A1CF: variants seen among roughly 807,000 people sequenced by gnomAD.
A1CF encodes APOBEC1 complementation factor.
Under a neutral mutation model 68.9 loss-of-function variants are expected in A1CF, and 48 were observed. The ratio of observed to expected loss-of-function variants is 0.70; its 90% CI spans 0.55 to 0.89. The LOEUF is 0.89. A1CF is among the 40% of genes least tolerant of loss of function. The pLI is 0.00. For missense variants in A1CF, 653 were observed against 718.9 expected, an observed-to-expected ratio of 0.91 and a Z score of 1.05; for synonymous variants, 272 against 260.4, an observed-to-expected ratio of 1.04 and a Z score of -0.43.
chr10:50,853,675 T>A (rs1462482938), intron 3 of A1CF, among the ~76,000 whole-genome samples: 1 of 151,858 alleles, frequency 6.6e-6, no homozygotes, highest in African/African-American at 2.4e-5. Context: ...AATACTAAAT[T>A]AAAGAATTTT....
rs1838353116 is a variant in A1CF at position 50,816,077 on chromosome 10, G to C, written c.1070C>G (p.Pro357Arg). ...TTTGGTGGCTGGGAAATGAAGACTG[G>C]GAATTGCTGCATAGGTCTGGGGGGC... is the stretch of plus-strand genomic sequence containing the variant. ...FYAPQTYAAIPSLHFPATKGH... is the reference protein window; with the variant it reads ...FYAPQTYAAIRSLHFPATKGH... The change falls in exon 9 of 13, where the codon CCC becomes CGC. Residue 357 changes from proline (P) to arginine (R), a missense_variant. Physicochemically the swap from Pro to Arg is moderately radical, Grantham distance 103. Coordinates refer to ENST00000373997, the MANE Select transcript of A1CF (RefSeq NM_014576.4). The C allele has an allele frequency of 6.2e-7, 1 of 1,613,820 alleles. No homozygotes were observed. Among genetic ancestry groups the C allele is most frequent in the Non-Finnish European group, 8.5e-7 (1 of 1,179,858 alleles).
chr10:50,885,007 G>T (rs1350760150), intron 1 of A1CF, among the ~76,000 whole-genome samples: 2 of 152,058 alleles, frequency 1.3e-5, no homozygotes, highest in Admixed American at 6.6e-5. Context: ...ATATTTTTTT[G>T]GTCAGAATCA....
chr10:50,833,173 T>C (rs1208124879), intron 6 of A1CF, among the ~76,000 whole-genome samples: 1 of 152,204 alleles, frequency 6.6e-6, no homozygotes, highest in Non-Finnish European at 1.5e-5. Flanking sequence ...GTAATTCCAA[T>C]GTGCAGCCTA....
chr10:50,849,077 T>A (rs1840122269), intron 3 of A1CF, among the ~76,000 whole-genome samples: 1 of 152,174 alleles, frequency 6.6e-6, no homozygotes, highest in Admixed American at 6.5e-5. Context: ...AGATCCTTCA[T>A]TATGTGATAG....
chr10:50,816,373 G>A, intron 8 of A1CF, 94 bp from the exon 9 acceptor site: 1 of 1,330,706 alleles, frequency 7.5e-7, no homozygotes, highest in Non-Finnish European at 1.0e-6. Flanking sequence ...CTAAGTGTTA[G>A]ACTATTTGCT....
chr10:50,834,018 G>A (rs1345643291), intron 6 of A1CF, among the ~76,000 whole-genome samples: 1 of 152,166 alleles, frequency 6.6e-6, no homozygotes, highest in African/African-American at 2.4e-5. Context: ...ACTGTGGGTG[G>A]AAGCTTAATG....
rs572843556 is a variant in A1CF at position 50,861,186 on chromosome 10, G to GA, written c.-45-1202dup. On this transcript the variant is annotated intron_variant, in intron 2 of 12. Transcript: ENST00000373997. The stretch of plus-strand genomic sequence containing the variant: ...AAGTGAAGCTGAAGTGATCGTTTCT[G>GA]AAAAATGCAGCTTTAAGGTATTCTA... Among the ~76,000 whole-genome samples the GA allele has an allele frequency of 2.1e-4, 32 of 152,064 alleles. No individual in the cohort carries two copies. In the South Asian group the frequency reaches 6.4e-3, roughly 31 times the overall value.
chr10:50,871,537 C>A (rs1841267218), intron 1 of A1CF, among the ~76,000 whole-genome samples: 1 of 151,886 alleles, frequency 6.6e-6, no homozygotes. Flanking sequence ...GCAATAAATG[C>A]CACAACATAT....
rs1837528239 is a variant in A1CF, at chr10:50,799,814, A to G, written c.*6915T>C. On this transcript the variant is annotated 3_prime_UTR_variant, in exon 13 of 13. Transcript: ENST00000373997. Reference sequence around the variant, plus strand: ...TTTTGCTGACAGCTTGCTTTTCATTAAGATATAGGGAATAACAATATCGGG... The same window carrying G: ...TTTTGCTGACAGCTTGCTTTTCATTGAGATATAGGGAATAACAATATCGGG... 1 of 152,152 alleles carries G rather than the reference A, an allele frequency of 6.6e-6. No homozygotes were observed. The highest frequency in any genetic ancestry group is 1.5e-5 in the Non-Finnish European group (1 of 67,996). 9.4% of individuals were successfully genotyped at this position (152,152 alleles called of 1,614,324 possible).
At position 50,859,963 on chromosome 10, in the gene A1CF, A is replaced by G. The variant is rs1484723245; in HGVS notation, c.-23T>C. 2 of 1,606,416 alleles carry G rather than the reference A, an allele frequency of 1.2e-6. No individual in the cohort carries two copies. The highest frequency in any genetic ancestry group is 1.7e-6 in the Non-Finnish European group (2 of 1,173,482). On this transcript the variant is annotated 5_prime_UTR_variant, in exon 3 of 13. Coordinates refer to ENST00000373997, the MANE Select transcript of A1CF (RefSeq NM_014576.4). ...CATTGAGAGTGATTATCAGCAAAAA[A>G]TCAGGTTAATTAGGGTTGCTCACTG...
chr10:50,847,979 C>A (rs1840075571), intron 3 of A1CF, among the ~76,000 whole-genome samples: 1 of 152,170 alleles, frequency 6.6e-6, no homozygotes, highest in African/African-American at 2.4e-5. Flanking sequence ...TATACTTAGC[C>A]AGTCAGAGTT....
At chr10:50,860,388 T>C (rs1840688810) in intron 2 of A1CF, among the ~76,000 whole-genome samples, 1 of 152,198 alleles carries the variant, frequency 6.6e-6, no homozygotes, top group South Asian at 2.1e-4. Flanking sequence ...AAATCAGAAT[T>C]CTCAGAGATT....
At chr10:50,828,057 G>C in intron 7 of A1CF, 74 bp downstream of exon 7, 1 of 1,109,202 alleles carries the variant, frequency 9.0e-7, no homozygotes, top group South Asian at 2.5e-5. Flanking sequence ...CAAATTCCTC[G>C]ACACATACAC....
At chr10:50,875,184 T>A (rs1187568995) in intron 1 of A1CF, among the ~76,000 whole-genome samples, 1 of 152,192 alleles carries the variant, frequency 6.6e-6, no homozygotes, top group African/African-American at 2.4e-5. Flanking sequence ...AAAAGAATAA[T>A]TCAAAATTTT....
intron 3 of A1CF, among the ~76,000 whole-genome samples, chr10:50,854,574 G>A (rs138917306): frequency 6.6e-6 from 1 of 152,020 alleles, no homozygotes; most frequent in Non-Finnish European, 1.5e-5. Context: ...TATAGAAAAT[G>A]CTGATCTTTT....
At chr10:50,880,460 G>T (rs1193022249) in intron 1 of A1CF, among the ~76,000 whole-genome samples, 2 of 152,192 alleles carry the variant, frequency 1.3e-5, no homozygotes, top group East Asian at 1.9e-4. Context: ...TCATCGTAGG[G>T]TGCCAATTAT....
Position 50,816,105 on chromosome 10 carries a change from AGAAG to A in A1CF, c.1038_1041del (p.Phe347MetfsTer38). 1 of 1,613,860 alleles carries A rather than the reference AGAAG, an allele frequency of 6.2e-7. No individual in the cohort carries two copies. The highest frequency in any genetic ancestry group is 8.5e-7 in the Non-Finnish European group (1 of 1,179,882). On this transcript the variant is annotated frameshift_variant, in exon 9 of 13. Coordinates refer to ENST00000373997, the MANE Select transcript of A1CF (RefSeq NM_014576.4). LOFTEE classifies it high-confidence loss of function. ...ATTGCTGCATAGGTCTGGGGGGCAT[AGAAG>A]ACAGGAGCTCCAAGGTAGGTTGTGG...
In A1CF at chr10:50,875,419, G is replaced by A. The variant is rs145155293; in HGVS notation, c.-94+10162C>T. ...GTACTTGTTGTGTGGTTCTATGTAC[G>A]GAAAGGAAGCAAAAGCTGTGGGGTA... On this transcript the variant is annotated intron_variant, in intron 1 of 12. Transcript: ENST00000373997. Among the ~76,000 whole-genome samples the A allele has an allele frequency of 2.1e-3, 325 of 152,220 alleles. 2 individuals carry two copies. The highest frequency in any genetic ancestry group is 6.8e-3 in the African/African-American group (284 of 41,544).
intron 3 of A1CF, among the ~76,000 whole-genome samples, chr10:50,852,768 C>T (rs1840307110): frequency 6.6e-6 from 1 of 152,094 alleles, no homozygotes; most frequent in African/African-American, 2.4e-5. Context: ...TCCATCTGCT[C>T]CTCTCGGAGC....
Sources: allele counts gnomAD v4.1 joint callset (sites outside exome capture counted in the v4.1 genomes callset), GRCh38; gene constraint gnomAD v4.1.1; transcripts MANE v1.5; gene names NCBI Gene and HGNC (gene_info 2026-07-23, HGNC 2026-07-21).